ARHGEF2: variants seen among roughly 807,000 people sequenced by gnomAD.
ARHGEF2 encodes rho guanine nucleotide exchange factor 2.
ARHGEF2 carries 22 observed loss-of-function variants against 121.0 expected under a neutral mutation model. The ratio of observed to expected loss-of-function variants is 0.18; its 90% CI spans 0.13 to 0.26. The LOEUF is 0.26. Among genes scored for constraint, ARHGEF2 ranks in the 10% least tolerant of loss-of-function variants. The pLI is 1.00. For missense variants in ARHGEF2, 907 were observed against 1,336.0 expected (o/e 0.68, Z 5.01); for synonymous variants, 487 against 530.0 (o/e 0.92, Z 1.11).
chr1:155,958,579 T>C (rs1022708324), intron 11 of ARHGEF2, among the ~76,000 whole-genome samples, 183 bp from the exon 12 acceptor site: 1 of 150,500 alleles, frequency 6.6e-6, no homozygotes, highest in South Asian at 2.1e-4. Flanking sequence ...ATTCTATTTT[T>C]TTTTTTTTTT....
At chr1:155,972,147 G>A in intron 1 of ARHGEF2, 1 of 392,262 alleles carries the variant, frequency 2.5e-6, no homozygotes, top group Non-Finnish European at 5.3e-6. Flanking sequence ...AGAAGACTGG[G>A]GCAGCCAGAG....
Position 155,951,042 on chromosome 1 carries a change from G to C in ARHGEF2, c.2490C>G (p.Thr830=). The part of the protein sequence containing the change: ...RCRRLGEERA[T]EAGSLEARLR... ...GCCGGGCCTCCAGGCTGCCAGCTTC[G>C]GTTGCCCGTTCTTCACCTAGCCGCC... Residue 830 remains threonine (T), a synonymous_variant, in exon 20 of 22, where the codon ACC becomes ACG. Coordinates refer to ENST00000361247, the MANE Select transcript of ARHGEF2 (RefSeq NM_001162383.2). This position sits in a 1 kb window ranked among gnomAD's most constrained non-coding sequence, Gnocchi z 5.1. 6.2e-7 allele frequency: 1 copy of C among 1,602,104 alleles called. No individual in the cohort carries two copies. The highest frequency in any genetic ancestry group is 8.5e-7 in the Non-Finnish European group (1 of 1,176,064).
Position 155,950,588 on chromosome 1 carries a change from A to G in ARHGEF2, c.2704-106T>C, listed in dbSNP as rs1190005516. Reference sequence around the variant, plus strand: ...CAGCTCTCCCCCCTGGGGCTCACCCATGAGTCCCCTTCAGGAGATCCACCA... The same window carrying G: ...CAGCTCTCCCCCCTGGGGCTCACCCGTGAGTCCCCTTCAGGAGATCCACCA... On this transcript the variant is annotated intron_variant, in intron 20 of 21. Coordinates refer to ENST00000361247, the MANE Select transcript of ARHGEF2 (RefSeq NM_001162383.2). The surrounding 1 kb of genome is among the most constrained non-coding windows in gnomAD (Gnocchi z 5.2). 2.5e-6 allele frequency: 3 copies of G among 1,220,396 alleles called. No individual in the cohort carries two copies. The East Asian group carries it at 7.0e-5, about 29-fold the overall frequency. 75.6% of individuals were successfully genotyped at this position (1,220,396 alleles called of 1,614,324 possible).
Position 155,947,155 on chromosome 1 carries a change from ACTT to A in ARHGEF2, c.*784_*786del, listed in dbSNP as rs1674546664. Reference sequence around the variant, plus strand: ...AAGTCATTCTCTCCCCCACCCCTCAACTTCTTCAGAGATGTGGAGATAGGAGGC... The same window carrying A: ...AAGTCATTCTCTCCCCCACCCCTCAACTTCAGAGATGTGGAGATAGGAGGC... On this transcript the variant is annotated 3_prime_UTR_variant, in exon 22 of 22. Transcript: ENST00000361247. The A allele has an allele frequency of 2.8e-6, 1 of 356,836 alleles. No individual in the cohort carries two copies. The highest frequency in any genetic ancestry group is 3.8e-5 in the Admixed American group (1 of 26,516). 22.1% of individuals were successfully genotyped at this position (356,836 alleles called of 1,614,324 possible). A position where few individuals can be genotyped will look rare whatever the true frequency, so the allele number is the denominator to read the frequency against.
chr1:155,965,449 C>A lies in ARHGEF2; in HGVS notation c.471-37G>T. ...GGAGGCTGTCTGCATCACCCCCAGT[C>A]GGGCAAAAGATCCCTTCCCAGGTAG... On this transcript the variant is annotated intron_variant, in intron 5 of 21. Coordinates refer to ENST00000361247, the MANE Select transcript of ARHGEF2 (RefSeq NM_001162383.2). This position sits in a 1 kb window ranked among gnomAD's most constrained non-coding sequence, Gnocchi z 6.0. 2 of 1,606,346 alleles carry A rather than the reference C, an allele frequency of 1.2e-6. No homozygotes were observed. The highest frequency in any genetic ancestry group is 2.2e-5 in the South Asian group (2 of 90,834).
In ARHGEF2 at chr1:155,957,847, G is replaced by A. The variant is rs1238711678; in HGVS notation, c.1581C>T (p.Ile527=). The part of the protein sequence containing the change: ...KPSVVSLQNL[I]VRDIANQEKG... ...TCTCCTGGTTGGCAATGTCTCGTACGATTAGATTCTGCAGCGATACCACTG... is the reference window on the plus strand; with the variant it reads ...TCTCCTGGTTGGCAATGTCTCGTACAATTAGATTCTGCAGCGATACCACTG... The change falls in exon 13 of 22, where the codon ATC becomes ATT. Residue 527 remains isoleucine, a synonymous_variant. Coordinates refer to ENST00000361247, the MANE Select transcript of ARHGEF2 (RefSeq NM_001162383.2). The A allele has an allele frequency of 3.1e-6, 5 of 1,614,026 alleles. No homozygotes were observed. The highest frequency in any genetic ancestry group is 2.2e-5 in the East Asian group (1 of 44,890).
At chr1:155,955,023 C>T (rs1572079859) in intron 13 of ARHGEF2, 54 bp from the exon 14 acceptor site, 1 of 1,468,270 alleles carries the variant, frequency 6.8e-7, no homozygotes, top group Non-Finnish European at 9.5e-7. Context: ...GGTTATAGAC[C>T]AGAATCAGCC....
At chr1:155,976,608 A>G (rs7534858) in intron 1 of ARHGEF2, among the ~76,000 whole-genome samples, 3 of 123,034 alleles carry the variant, frequency 2.4e-5, no homozygotes, top group Non-Finnish European at 4.9e-5. Flanking sequence ...ACCTGCCCCC[A>G]CAGAACCGCT....
Position 155,960,655 on chromosome 1 carries a change from G to C in ARHGEF2, c.1468+1006C>G, listed in dbSNP as rs1379123418. Among the ~76,000 whole-genome samples, 21 of 152,132 alleles carry C rather than the reference G, an allele frequency of 1.4e-4. 1 individual carries two copies. Among genetic ancestry groups the C allele is most frequent in the Admixed American group, 1.4e-3 (21 of 15,270 alleles). On this transcript the variant is annotated intron_variant, in intron 11 of 21. Transcript: ENST00000361247. ...TGCTGCGTGGGAGAGATGGGAAGGA[G>C]AGAAAGGGATAAAGGAAAGAGGCTG...
chr1:155,978,490 A>G lies in ARHGEF2; in HGVS notation c.-63T>C. On this transcript the variant is annotated 5_prime_UTR_variant, in exon 1 of 22. Transcript: ENST00000361247. This position sits in a 1 kb window ranked among gnomAD's most constrained non-coding sequence, Gnocchi z 4.1. ...CCCGGCGTCCTGTATTGTTGGGGGA[A>G]GGCGGGGGGAGGGGTTCGGCCCGCA... 2 of 1,347,240 alleles carry G rather than the reference A, an allele frequency of 1.5e-6. No homozygotes were observed. Among genetic ancestry groups the G allele is most frequent in the Admixed American group, 3.1e-5 (1 of 31,936 alleles). The allele number at this position is 1,347,240 out of a possible 1,614,324, so 83.5% of individuals were successfully genotyped here.
chr1:155,962,052 C>T lies in ARHGEF2; in HGVS notation c.1219+53G>A, dbSNP rs893629302. Reference sequence around the variant, plus strand: ...TTCCTGTGGTCATACCGAGCCTTTCCTCACCCCAGGTGGCCGTCTCCCAGT... The same window carrying T: ...TTCCTGTGGTCATACCGAGCCTTTCTTCACCCCAGGTGGCCGTCTCCCAGT... On this transcript the variant is annotated intron_variant, in intron 10 of 21. Coordinates refer to ENST00000361247, the MANE Select transcript of ARHGEF2 (RefSeq NM_001162383.2). The surrounding 1 kb of genome is among the most constrained non-coding windows in gnomAD (Gnocchi z 5.8). 6.2e-7 allele frequency: 1 copy of T among 1,609,800 alleles called. No individual in the cohort carries two copies. The highest frequency in any genetic ancestry group is 2.2e-5 in the East Asian group (1 of 44,850).
intron 13 of ARHGEF2, among the ~76,000 whole-genome samples, chr1:155,955,811 G>C (rs1004671266): frequency 3.3e-5 from 5 of 151,812 alleles, no homozygotes; most frequent in Non-Finnish European, 7.4e-5. Flanking sequence ...TGCCTCCCAG[G>C]TTCAGGTGAT....
intron 1 of ARHGEF2, among the ~76,000 whole-genome samples, chr1:155,977,096 G>T (rs1350232699): frequency 6.6e-6 from 1 of 152,082 alleles, no homozygotes; most frequent in Non-Finnish European, 1.5e-5. Flanking sequence ...CTCCTAAGGG[G>T]TACTGCTCCC....
Position 155,962,194 on chromosome 1 carries a change from C to T in ARHGEF2, c.1130G>A (p.Arg377Gln). The change falls in exon 10 of 22, where the codon CGG (arginine) becomes CAG (glutamine). Residue 377 changes from arginine (R) to glutamine (Q), a missense_variant. Arg to Gln is a conservative substitution (Grantham distance 43, BLOSUM62 1). Coordinates refer to ENST00000361247, the MANE Select transcript of ARHGEF2 (RefSeq NM_001162383.2). This position sits in a 1 kb window ranked among gnomAD's most constrained non-coding sequence, Gnocchi z 5.8. ...CAGGATGCACTCCTGTACCCCGTGC[C>T]GCTTGAGCACGGCGGGGCGGGTCAC... is the stretch of plus-strand genomic sequence containing the variant. ...RKVTRPAVLK[R>Q]HGVQECILLV... 3 of 1,614,142 alleles carry T rather than the reference C, an allele frequency of 1.9e-6. No homozygotes were observed. Among genetic ancestry groups the T allele is most frequent in the South Asian group, 1.1e-5 (1 of 91,074 alleles).
intron 1 of ARHGEF2, 178 bp from the exon 2 acceptor site, chr1:155,969,478 G>A (rs1646163710): frequency 4.2e-6 from 6 of 1,430,980 alleles, no homozygotes; most frequent in South Asian, 1.5e-5. Flanking sequence ...GTCCGGGAGT[G>A]ACCAGGCCAG....
At position 155,958,574 on chromosome 1, in the gene ARHGEF2, AT is replaced by A. The variant is rs397722034; in HGVS notation, c.1469-179del. On this transcript the variant is annotated intron_variant, in intron 11 of 21. Transcript: ENST00000361247. ...AGACCTCTCACACCTCACCCATTCT[AT>A]TTTTTTTTTTTTTTTTTGATACAGA... is the stretch of plus-strand genomic sequence containing the variant. Among the ~76,000 whole-genome samples, 459 of 122,260 alleles carry A rather than the reference AT, an allele frequency of 3.8e-3. 1 individual carries two copies. Among genetic ancestry groups the A allele is most frequent in the African/African-American group, 0.012 (370 of 31,240 alleles). 80.2% of individuals were successfully genotyped at this position (122,260 alleles called of 152,430 possible). A position where few individuals can be genotyped will look rare whatever the true frequency, so the allele number is the denominator to read the frequency against.
chr1:155,964,261 T>C (rs1678876314), intron 7 of ARHGEF2, among the ~76,000 whole-genome samples: 1 of 144,722 alleles, frequency 6.9e-6, no homozygotes, highest in Admixed American at 6.9e-5. Flanking sequence ...CCTAGGTTGG[T>C]CTCAAAATCC....
rs1404573944 is a variant in ARHGEF2 at position 155,954,350 on chromosome 1, C to T, written c.1783+552G>A. Among the ~76,000 whole-genome samples, 16 of 136,830 alleles carry T rather than the reference C, an allele frequency of 1.2e-4. No individual in the cohort carries two copies. The Admixed American group carries it at 1.3e-3, about 11-fold the overall frequency. The allele number at this position is 136,830 out of a possible 152,430, so 89.8% of individuals were successfully genotyped here. A position where few individuals can be genotyped will look rare whatever the true frequency, so the allele number is the denominator to read the frequency against. ...CCAGGCTGGAGTGCAGTGGCGTGAT[C>T]TCAGCTCACTGCAAGCTCCGCCTCC... On this transcript the variant is annotated intron_variant, in intron 14 of 21. Coordinates refer to ENST00000361247, the MANE Select transcript of ARHGEF2 (RefSeq NM_001162383.2).
Position 155,962,323 on chromosome 1 carries a change from G to T in ARHGEF2, c.1102-101C>A. On this transcript the variant is annotated intron_variant, in intron 9 of 21. Coordinates refer to ENST00000361247, the MANE Select transcript of ARHGEF2 (RefSeq NM_001162383.2). This position sits in a 1 kb window ranked among gnomAD's most constrained non-coding sequence, Gnocchi z 5.8. ...GCCCTGGCGTGGCCATTTACCTCATGCTTGCCTAGGTGACATATCTGGAAA... is the reference window on the plus strand; with the variant it reads ...GCCCTGGCGTGGCCATTTACCTCATTCTTGCCTAGGTGACATATCTGGAAA... The T allele has an allele frequency of 8.1e-7, 1 of 1,237,176 alleles. No individual in the cohort carries two copies. The highest frequency in any genetic ancestry group is 1.1e-6 in the Non-Finnish European group (1 of 870,474). 76.6% of individuals were successfully genotyped at this position (1,237,176 alleles called of 1,614,324 possible).
Sources: gnomAD v4.1 joint callset for allele counts (sites outside exome capture counted in the v4.1 genomes callset) on GRCh38, gnomAD v4.1.1 for gene constraint, Gnocchi (gnomAD v3.1) non-coding constraint, MANE v1.5 for transcripts, NCBI Gene and HGNC (gene_info 2026-07-23, HGNC 2026-07-21) for gene names.